Variants in SNTG2 observed in about 807,000 individuals in gnomAD.
SNTG2 encodes gamma-2-syntrophin.
SNTG2 carries 74 observed loss-of-function variants against 70.9 expected under a neutral mutation model. The ratio of observed to expected loss-of-function variants is 1.04; its 90% CI spans 0.86 to 1.27. The LOEUF (loss-of-function observed/expected upper bound fraction) is 1.27, where lower values mean the gene tolerates loss of function less well. Ranked by LOEUF, SNTG2 falls within the 50% of genes most tolerant of loss-of-function variation. The probability of loss-of-function intolerance (pLI) is 0.00; values close to 1 mark genes in which losing one functional copy is unlikely to be tolerated. For synonymous variants in SNTG2, 278 were observed against 273.8 expected, an observed-to-expected ratio of 1.02 and a Z score of -0.15; for missense variants, 717 against 690.7, an observed-to-expected ratio of 1.04 and a Z score of -0.43.
intron 8 of SNTG2, among the ~76,000 whole-genome samples, chr2:1,200,593 T>C (rs1022249210): frequency 1.1e-4 from 16 of 151,962 alleles, no homozygotes; most frequent in Non-Finnish European, 1.3e-4. Flanking sequence ...ACAATATATG[T>C]AATGAGAAAA....
chr2:1,196,364 T>A (rs890246621), intron 8 of SNTG2, among the ~76,000 whole-genome samples: 2 of 152,124 alleles, frequency 1.3e-5, no homozygotes, highest in South Asian at 4.1e-4. Flanking sequence ...AGAAAACCTT[T>A]ATGACATATG....
intron 1 of SNTG2, among the ~76,000 whole-genome samples, chr2:1,065,410 G>A (rs921547932): frequency 6.6e-6 from 1 of 152,156 alleles, no homozygotes; most frequent in African/African-American, 2.4e-5. Flanking sequence ...CCTGGCAACT[G>A]AGAGGTGACA....
intron 14 of SNTG2, among the ~76,000 whole-genome samples, chr2:1,288,959 AC>A (rs1679880742): frequency 6.6e-6 from 1 of 152,010 alleles, no homozygotes. Flanking sequence ...GTCTACTCTT[AC>A]GCCTGATTCC....
intron 4 of SNTG2, among the ~76,000 whole-genome samples, chr2:1,104,673 A>C (rs1168635559): frequency 1.3e-5 from 2 of 152,166 alleles, no homozygotes; most frequent in African/African-American, 2.4e-5. Context: ...GGGTGCTGGC[A>C]TTGTGAAAAC....
At chr2:1,313,483 C>T (rs1681113007) in intron 15 of SNTG2, among the ~76,000 whole-genome samples, 1 of 152,220 alleles carries the variant, frequency 6.6e-6, no homozygotes, top group African/African-American at 2.4e-5. Context: ...CTAGAATGTC[C>T]AATTGCGCTT....
At chr2:983,948 C>CT (rs762057211) in intron 1 of SNTG2, among the ~76,000 whole-genome samples, 1 of 152,164 alleles carries the variant, frequency 6.6e-6, no homozygotes, top group Non-Finnish European at 1.5e-5. Flanking sequence ...TCTGAGATGT[C>CT]TGTGTCCCTG....
intron 16 of SNTG2, among the ~76,000 whole-genome samples, chr2:1,360,560 C>T (rs1661082309): frequency 6.6e-6 from 1 of 152,166 alleles, no homozygotes; most frequent in South Asian, 2.1e-4. Context: ...TGAGGGGAAG[C>T]TCCTTGCCTT....
At chr2:1,181,148 C>G (rs1027150063) in intron 8 of SNTG2, among the ~76,000 whole-genome samples, 2 of 152,130 alleles carry the variant, frequency 1.3e-5, no homozygotes, top group African/African-American at 2.4e-5. Flanking sequence ...AGCACACCAA[C>G]ATGGCACATG....
intron 1 of SNTG2, among the ~76,000 whole-genome samples, chr2:1,001,809 C>T (rs1659403422): frequency 6.6e-6 from 1 of 152,064 alleles, no homozygotes; most frequent in Non-Finnish European, 1.5e-5. Context: ...AATAGCCAAG[C>T]AGTTCTAAGT....
chr2:1,364,172 G>A (rs1025218158), intron 16 of SNTG2, among the ~76,000 whole-genome samples: 5 of 146,978 alleles, frequency 3.4e-5, no homozygotes, highest in African/African-American at 1.3e-4. Context: ...GGTAGGGACA[G>A]CATTTCACCA....
chr2:1,099,051 C>G (rs1439570346), intron 4 of SNTG2, among the ~76,000 whole-genome samples: 4 of 152,160 alleles, frequency 2.6e-5, no homozygotes, highest in Non-Finnish European at 5.9e-5. Context: ...TCATACAATT[C>G]GATTTTGGAC....
At chr2:956,061 AC>A (rs1660133423) in intron 1 of SNTG2, among the ~76,000 whole-genome samples, 1 of 29,850 alleles carries the variant, frequency 3.4e-5, no homozygotes, top group Non-Finnish European at 6.5e-5. Context: ...CCCTGCCCCT[AC>A]CCCTGACCCT....
intron 1 of SNTG2, among the ~76,000 whole-genome samples, chr2:1,020,112 G>A (rs1299163765): frequency 2.0e-5 from 3 of 152,170 alleles, no homozygotes; most frequent in Non-Finnish European, 2.9e-5. Context: ...AGCCATTCAG[G>A]CATGAATCTC....
rs561506312 is a variant in SNTG2 at position 1,022,642 on chromosome 2, T to TACAGGCCGTTAAACATGTGTCACTGG, written c.73-60876_73-60875insACAGGCCGTTAAACATGTGTCACTGG. Among the ~76,000 whole-genome samples, 31 of 152,292 alleles carry TACAGGCCGTTAAACATGTGTCACTGG rather than the reference T, an allele frequency of 2.0e-4. No homozygotes were observed. The East Asian group carries it at 5.8e-3, about 28-fold the overall frequency. ...ATCCTCGAGTATTCCTGTACCCTTGTGAAGCCCCCGAGTTTTTGTGCATAC... is the reference window on the plus strand; with the variant it reads ...ATCCTCGAGTATTCCTGTACCCTTGTACAGGCCGTTAAACATGTGTCACTGGGAAGCCCCCGAGTTTTTGTGCATAC... On this transcript the variant is annotated intron_variant, in intron 1 of 16. Coordinates refer to ENST00000308624, the MANE Select transcript of SNTG2 (RefSeq NM_018968.4).
intron 1 of SNTG2, among the ~76,000 whole-genome samples, chr2:1,081,792 A>G (rs547334866): frequency 6.6e-6 from 1 of 152,248 alleles, no homozygotes; most frequent in Non-Finnish European, 1.5e-5. Context: ...GTGGGAGCAC[A>G]CAGTGCCCAC....
intron 1 of SNTG2, among the ~76,000 whole-genome samples, chr2:960,610 G>A (rs1159815473): frequency 1.3e-5 from 2 of 151,052 alleles, no homozygotes; most frequent in Non-Finnish European, 3.0e-5. Context: ...ATGGGAGCAC[G>A]GTGAGCTCTG....
At chr2:1,198,579 A>G (rs1405252073) in intron 8 of SNTG2, among the ~76,000 whole-genome samples, 1 of 152,146 alleles carries the variant, frequency 6.6e-6, no homozygotes, top group African/African-American at 2.4e-5. Flanking sequence ...ATCAGAGCAG[A>G]ATTAAATAGA....
intron 7 of SNTG2, among the ~76,000 whole-genome samples, chr2:1,167,978 G>A (rs1670849660): frequency 7.7e-6 from 1 of 129,508 alleles, no homozygotes; most frequent in Non-Finnish European, 1.6e-5. Flanking sequence ...CGGCAGAACT[G>A]AAGCCTACAG....
chr2:1,347,872 T>C (rs552899488), intron 16 of SNTG2, among the ~76,000 whole-genome samples: 2 of 152,242 alleles, frequency 1.3e-5, no homozygotes, highest in South Asian at 4.1e-4. Flanking sequence ...ATCATCTTCA[T>C]GTTCCTGGAA....
Sources: allele counts gnomAD v4.1 joint callset (sites outside exome capture counted in the v4.1 genomes callset), GRCh38; gene constraint gnomAD v4.1.1; transcripts MANE v1.5; gene names NCBI Gene and HGNC (gene_info 2026-07-23, HGNC 2026-07-21).